TRPM5: variants seen among roughly 807,000 people sequenced by gnomAD.
TRPM5 encodes the protein MLSN1 and TRP-related.
Under a neutral mutation model 124.9 loss-of-function variants are expected in TRPM5, and 121 were observed. The ratio of observed to expected loss-of-function variants is 0.97; its 90% CI spans 0.84 to 1.13. The LOEUF (loss-of-function observed/expected upper bound fraction) is 1.13. Ranked by LOEUF, TRPM5 falls within the 50% of genes most tolerant of loss-of-function variation. The pLI, the probability that TRPM5 is intolerant of heterozygous loss-of-function variation, is 0.00. For missense variants in TRPM5, 1,643 were observed against 1,589.1 expected (o/e 1.03, Z -0.58); for synonymous variants, 781 against 700.5 (o/e 1.11, Z -1.81).
intron 4 of TRPM5, among the ~76,000 whole-genome samples, chr11:2,419,647 G>A (rs913875953): frequency 3.3e-5 from 5 of 150,430 alleles, no homozygotes; most frequent in Middle Eastern, 3.2e-3. Context: ...AAAACAGAGG[G>A]CTCAGTTGGC....
In TRPM5 at chr11:2,407,110, C is replaced by T. The variant is rs757156262; in HGVS notation, c.3118+9G>A. ...TCACCCAGGTGCTCCCGCTTGTGCT[C>T]GGCCTCACCCAGGTGCTCCCGCTTG... On this transcript the variant is annotated intron_variant, in intron 20 of 23. Transcript: ENST00000155858. 9 of 1,570,382 alleles carry T rather than the reference C, an allele frequency of 5.7e-6. No individual in the cohort carries two copies. In the African/African-American group the frequency reaches 9.4e-5, roughly 16 times the overall value.
At chr11:2,428,403 T>C in the TRPM5 span, among the ~76,000 whole-genome samples, 1 of 152,122 alleles carries the variant, frequency 6.6e-6, no homozygotes, top group South Asian at 2.1e-4. The surrounding 1 kb of genome is among the most constrained non-coding windows in gnomAD (Gnocchi z 4.0). Flanking sequence ...TAAAGGACCA[T>C]GGGCAGAGTC....
chr11:2,410,421 C>T (rs1200803702), intron 18 of TRPM5, among the ~76,000 whole-genome samples: 1 of 41,604 alleles, frequency 2.4e-5, no homozygotes, highest in African/African-American at 7.0e-5. Context: ...CGCCTGACAC[C>T]GCCTGAGCAG....
intron 7 of TRPM5, 42 bp downstream of exon 12, chr11:2,417,684 GC>G: frequency 1.3e-6 from 2 of 1,494,478 alleles, no homozygotes; most frequent in Non-Finnish European, 1.8e-6. Context: ...TGAGCATGAA[GC>G]CCCCCAATGG....
chr11:2,430,508 G>C, the TRPM5 span, among the ~76,000 whole-genome samples: 2 of 151,870 alleles, frequency 1.3e-5, no homozygotes, highest in African/African-American at 4.8e-5. Flanking sequence ...TAGTGGTGAT[G>C]GTGGTAGTAA....
chr11:2,417,706 GCCCACCC>G lies in TRPM5; in HGVS notation c.1009+14_1009+20del. On this transcript the variant is annotated intron_variant, in intron 7 of 23. Transcript: ENST00000155858. ...GAAGCCCCCCAATGGCGCCTGCCTT[GCCCACCC>G]TGCCCGCCCTCACCTTTCACCAGCG... 1.8e-6 allele frequency: 2 copies of G among 1,087,298 alleles called. No homozygotes were observed. Among genetic ancestry groups the G allele is most frequent in the East Asian group, 2.5e-5 (1 of 40,620 alleles). 67.4% of individuals were successfully genotyped at this position (1,087,298 alleles called of 1,614,324 possible). A position where few individuals can be genotyped will look rare whatever the true frequency, so the allele number is the denominator to read the frequency against.
chr11:2,438,504 A>G, the TRPM5 span, among the ~76,000 whole-genome samples: 1 of 152,068 alleles, frequency 6.6e-6, no homozygotes, highest in East Asian at 1.9e-4. This position sits in a 1 kb window ranked among gnomAD's most constrained non-coding sequence, Gnocchi z 5.9. Context: ...CAACTCTACA[A>G]AAAAATACAA....
exon 18 of TRPM5, chr11:2,411,444 G>A (rs1316095805): frequency 4.3e-6 from 7 of 1,612,338 alleles, no homozygotes; most frequent in Non-Finnish European, 4.2e-6. Flanking sequence ...GCCGTCATGG[G>A]GGTGCAGCAG....
chr11:2,427,042 G>A (rs1361677946), upstream of TRPM5, among the ~76,000 whole-genome samples: 1 of 152,198 alleles, frequency 6.6e-6, no homozygotes, highest in Non-Finnish European at 1.5e-5. Context: ...CAGAGCCCGT[G>A]GGGCTGGCCC....
upstream of TRPM5, among the ~76,000 whole-genome samples, chr11:2,423,282 C>T (rs1464187524): frequency 2.6e-5 from 4 of 152,234 alleles, no homozygotes; most frequent in Non-Finnish European, 5.9e-5. Flanking sequence ...AACCAAGCTC[C>T]TTCCCAGGTG....
At chr11:2,427,139 G>A (rs1354775679), upstream of TRPM5, among the ~76,000 whole-genome samples, 1 of 152,224 alleles carries the variant, frequency 6.6e-6, no homozygotes. Context: ...CACAGCCCAG[G>A]GAAGCGGGGA....
chr11:2,414,651 C>T (rs957004927), intron 11 of TRPM5, 64 bp downstream of exon 16: 68 of 1,473,346 alleles, frequency 4.6e-5, no homozygotes, highest in African/African-American at 7.1e-5. Flanking sequence ...CAGGACCCTT[C>T]GTCCGACCCC....
chr11:2,420,500 C>G, intron 3 of TRPM5, 95 bp from the exon 9 acceptor site: 3 of 1,318,636 alleles, frequency 2.3e-6, no homozygotes, highest in Non-Finnish European at 3.1e-6. Flanking sequence ...GCACACCACG[C>G]CATGGGGCCC....
At chr11:2,429,516 C>T in the TRPM5 span, among the ~76,000 whole-genome samples, 4 of 148,892 alleles carry the variant, frequency 2.7e-5, no homozygotes, top group East Asian at 2.0e-4. The surrounding 1 kb of genome is among the most constrained non-coding windows in gnomAD (Gnocchi z 8.4). Flanking sequence ...TGGTGTGGTA[C>T]GATGGTGGTG....
Position 2,407,039 on chromosome 11 carries a change from C to G in TRPM5, c.3118+80G>C, listed in dbSNP as rs1850336406. ...GAGGAGGGGTCCAGGTCTCTCCAGA[C>G]CTGCCTCCAGCGCACAGCCCCGCCC... On this transcript the variant is annotated intron_variant, in intron 20 of 23. Transcript: ENST00000155858. 6 of 1,442,832 alleles carry G rather than the reference C, an allele frequency of 4.2e-6. No homozygotes were observed. In the South Asian group the frequency reaches 8.6e-5, roughly 21 times the overall value. 89.4% of individuals were successfully genotyped at this position (1,442,832 alleles called of 1,614,324 possible).
chr11:2,422,271 C>G, exon 2 of TRPM5: 1 of 1,612,412 alleles, frequency 6.2e-7, no homozygotes, highest in Non-Finnish European at 8.5e-7. Context: ...ACTCAGCAAG[C>G]AGCAGGTCAA....
intron 20 of TRPM5, 71 bp downstream of exon 25, chr11:2,407,048 A>G (rs375548885): frequency 1.4e-6 from 2 of 1,451,828 alleles, no homozygotes; most frequent in Admixed American, 5.4e-5. Context: ...ACCTGCCTCC[A>G]GCGCACAGCC....
chr11:2,415,757 G>A, intron 8 of TRPM5, 149 bp downstream of exon 13: 1 of 662,462 alleles, frequency 1.5e-6, no homozygotes, highest in Non-Finnish European at 2.6e-6. Context: ...AGAAGCCCGG[G>A]CAGAACCGTG....
chr11:2,423,080 G>C (rs777001650), upstream of TRPM5: 1 of 1,512,526 alleles, frequency 6.6e-7, no homozygotes, highest in Non-Finnish European at 9.0e-7. Context: ...CTTGAGGGCT[G>C]AGAAGGCCCA....
Sources: allele counts gnomAD v4.1 joint callset (sites outside exome capture counted in the v4.1 genomes callset), GRCh38; gene constraint gnomAD v4.1.1; non-coding constraint Gnocchi (gnomAD v3.1); transcripts MANE v1.5; gene names NCBI Gene and HGNC (gene_info 2026-07-23, HGNC 2026-07-21).